The following CRISPLD2 variants were observed in gnomAD, a reference collection of about 807,000 sequenced individuals.
CRISPLD2 encodes the protein cysteine rich secretory protein LCCL domain containing 2.
In CRISPLD2, 47 loss-of-function variants were observed where a neutral mutation model predicts 71.1. The observed-to-expected ratio is 0.66, with a 90% CI of 0.52 to 0.84. The LOEUF (loss-of-function observed/expected upper bound fraction) is 0.84. CRISPLD2 is among the 40% of genes least tolerant of loss of function. CRISPLD2 has a pLI of 0.00. For synonymous variants in CRISPLD2, 317 were observed against 250.1 expected, an observed-to-expected ratio of 1.27 and a Z score of -2.52; for missense variants, 830 against 651.1, an observed-to-expected ratio of 1.27 and a Z score of -2.99.
Position 84,862,345 on chromosome 16 carries a change from G to A in CRISPLD2, c.710-4552G>A, listed in dbSNP as rs1251827391. On this transcript the variant is annotated intron_variant, in intron 6 of 14. Transcript: ENST00000262424. Reference sequence around the variant, plus strand: ...AGCCTCCCGAGTAGCTGGGACTATAGGCACATGCCACCATGGTTAATTTTA... The same window carrying A: ...AGCCTCCCGAGTAGCTGGGACTATAAGCACATGCCACCATGGTTAATTTTA... Among the ~76,000 whole-genome samples, 8 of 152,030 alleles carry A rather than the reference G, an allele frequency of 5.3e-5. No homozygotes were observed. The South Asian group carries it at 1.7e-3, about 32-fold the overall frequency.
At chr16:84,883,143 G>A (rs1434215506) in intron 13 of CRISPLD2, among the ~76,000 whole-genome samples, 1 of 152,210 alleles carries the variant, frequency 6.6e-6, no homozygotes, top group East Asian at 1.9e-4. Flanking sequence ...AAGAATGAAG[G>A]AGGGAAGAGG....
In CRISPLD2 at chr16:84,854,792, C is replaced by G; in HGVS notation, c.672C>G (p.Ser224Arg). 6.2e-7 allele frequency: 1 copy of G among 1,614,114 alleles called. No individual in the cohort carries two copies. The highest frequency in any genetic ancestry group is 8.5e-7 in the Non-Finnish European group (1 of 1,179,988). The part of the protein sequence containing the change: ...NGRPCSECPP[S>R]YGGSCRNNLC... The stretch of plus-strand genomic sequence containing the variant: ...GGCCCTGCTCTGAGTGCCCACCCAG[C>G]TATGGAGGCAGCTGCAGGAACAACT... Residue 224 changes from serine (S) to arginine (R), a missense_variant, in exon 6 of 15, where the codon AGC becomes AGG. Physicochemically the swap from Ser to Arg is moderately radical, Grantham distance 110 (BLOSUM62 -1). Transcript: ENST00000262424.
At position 84,907,830 on chromosome 16, in the gene CRISPLD2, C is replaced by T. The variant is rs1385011004; in HGVS notation, c.*1188C>T. On this transcript the variant is annotated 3_prime_UTR_variant, in exon 15 of 15. Coordinates refer to ENST00000262424, the MANE Select transcript of CRISPLD2 (RefSeq NM_031476.4). ...CTTTTCCTGTTTTCGTGAAACGACT[C>T]TTGCCAAACGTTCCCGAGGCGCCAA... 6.6e-6 allele frequency: 1 copy of T among 152,198 alleles called. No individual in the cohort carries two copies. Among genetic ancestry groups the T allele is most frequent in the Non-Finnish European group, 1.5e-5 (1 of 68,050 alleles). The allele number at this position is 152,198 out of a possible 1,614,324, so 9.4% of individuals were successfully genotyped here. A position where few individuals can be genotyped will look rare whatever the true frequency, so the allele number is the denominator to read the frequency against.
chr16:84,851,133 A>G (rs1917078323), intron 5 of CRISPLD2, among the ~76,000 whole-genome samples: 1 of 152,238 alleles, frequency 6.6e-6, no homozygotes. Context: ...CTGGCTGGGC[A>G]ACCAGCATGG....
intron 6 of CRISPLD2, among the ~76,000 whole-genome samples, chr16:84,863,936 A>G: frequency 6.7e-6 from 1 of 148,418 alleles, no homozygotes; most frequent in African/African-American, 2.5e-5. Context: ...CAGCCTGGGC[A>G]ACAAGAGCAA....
At chr16:84,905,372 G>C (rs1465608808) in intron 14 of CRISPLD2, among the ~76,000 whole-genome samples, 1 of 152,058 alleles carries the variant, frequency 6.6e-6, no homozygotes, top group Non-Finnish European at 1.5e-5. Flanking sequence ...AGTTTATACG[G>C]TATGTTAAAC....
intron 3 of CRISPLD2, among the ~76,000 whole-genome samples, chr16:84,848,604 C>T (rs1445495977): frequency 1.3e-5 from 2 of 152,164 alleles, no homozygotes; most frequent in African/African-American, 4.8e-5. Flanking sequence ...CCTCGCCCGG[C>T]TAATTTTTGT....
intron 12 of CRISPLD2, among the ~76,000 whole-genome samples, chr16:84,879,773 C>T (rs764862738): frequency 1.3e-5 from 2 of 152,172 alleles, no homozygotes; most frequent in African/African-American, 2.4e-5. Context: ...GCCTGGCCTT[C>T]TTCCTTCCCA....
chr16:84,875,218 G>A lies in CRISPLD2; in HGVS notation c.1156+1255G>A, dbSNP rs139641197. Among the ~76,000 whole-genome samples, 16 of 152,000 alleles carry A rather than the reference G, an allele frequency of 1.1e-4. No individual in the cohort carries two copies. The East Asian group carries it at 2.1e-3, about 20-fold the overall frequency. On this transcript the variant is annotated intron_variant, in intron 11 of 14. Coordinates refer to ENST00000262424, the MANE Select transcript of CRISPLD2 (RefSeq NM_031476.4). ...TTCATGCCACTACACTCCAGCCTGG[G>A]TGACAGAGCAAGACCCTGTCTCAAA...
At chr16:84,877,056 ACTCTGAGCT>A in intron 11 of CRISPLD2, among the ~76,000 whole-genome samples, 1 of 152,242 alleles carries the variant, frequency 6.6e-6, no homozygotes, top group East Asian at 1.9e-4. Flanking sequence ...TGGGAAGGGC[ACTCTGAGCT>A]CTCTGAGCTT....
At chr16:84,842,891 T>G (rs1567683443) in intron 2 of CRISPLD2, among the ~76,000 whole-genome samples, 2 of 152,066 alleles carry the variant, frequency 1.3e-5, no homozygotes, top group Non-Finnish European at 2.9e-5. Flanking sequence ...GACTGGAGCT[T>G]GACTGAGCTG....
In CRISPLD2 at chr16:84,845,783, C is replaced by T. The variant is rs1254988784; in HGVS notation, c.241-3C>T. 1 of 1,605,584 alleles carries T rather than the reference C, an allele frequency of 6.2e-7. No homozygotes were observed. The highest frequency in any genetic ancestry group is 1.1e-5 in the South Asian group (1 of 90,678). ...CTGGTGCCCGTTTCTCCTTCTCCTGCAGACCTGGGATGACGAACTGGAGAA... is the reference window on the plus strand; with the variant it reads ...CTGGTGCCCGTTTCTCCTTCTCCTGTAGACCTGGGATGACGAACTGGAGAA... On this transcript the variant is annotated splice_region_variant and splice_polypyrimidine_tract_variant and intron_variant, in intron 2 of 14. Transcript: ENST00000262424.
At chr16:84,856,777 C>T (rs1181380846) in intron 6 of CRISPLD2, among the ~76,000 whole-genome samples, 14 of 152,266 alleles carry the variant, frequency 9.2e-5, no homozygotes, top group Non-Finnish European at 1.0e-4. Flanking sequence ...CCAGCTGCTT[C>T]AGAATGTTGG....
At chr16:84,880,622 C>G (rs747162823) in intron 13 of CRISPLD2, 38 bp downstream of exon 13, 12 of 1,550,982 alleles carry the variant, frequency 7.7e-6, no homozygotes, top group Non-Finnish European at 9.8e-6. Flanking sequence ...TCTCGCAAAG[C>G]CTGTTAAAGA....
chr16:84,847,109 C>G (rs960168774), intron 3 of CRISPLD2, among the ~76,000 whole-genome samples: 3 of 152,184 alleles, frequency 2.0e-5, no homozygotes, highest in African/African-American at 7.2e-5. Flanking sequence ...TCCATTTTGC[C>G]CTAATTATTG....
At position 84,820,016 on chromosome 16, in the gene CRISPLD2, T is replaced by C. The variant is rs2172623; in HGVS notation, c.-192T>C. 120,740 of 152,404 alleles carry C rather than the reference T, an allele frequency of 0.79. 48,182 individuals are homozygous for C. The highest frequency in any genetic ancestry group is 0.96 in the East Asian group (4,995 of 5,182). 9.4% of individuals were successfully genotyped at this position (152,404 alleles called of 1,614,324 possible). On this transcript the variant is annotated 5_prime_UTR_variant, in exon 1 of 15. Coordinates refer to ENST00000262424, the MANE Select transcript of CRISPLD2 (RefSeq NM_031476.4). ...ATCCCAGGGCGTCTCCGGCTGCTCC[T>C]ATTGAGCTGTCTGCTCGCTGTGCCC...
intron 8 of CRISPLD2, 138 bp downstream of exon 8, chr16:84,869,049 G>C (rs1215986304): frequency 1.4e-6 from 1 of 721,540 alleles, no homozygotes; most frequent in Admixed American, 3.3e-5. Context: ...GGCAGAACAG[G>C]GGTTAGGGCT....
chr16:84,839,888 T>TGAGGTG (rs891713569), intron 2 of CRISPLD2: 5 of 152,132 alleles, frequency 3.3e-5, no homozygotes, highest in East Asian at 1.9e-4. Context: ...GCAGTGGGAC[T>TGAGGTG]GAGGTGGAGG....
At chr16:84,838,833 C>A in intron 2 of CRISPLD2, 98 bp downstream of exon 2, 1 of 1,441,764 alleles carries the variant, frequency 6.9e-7, no homozygotes, top group Non-Finnish European at 9.4e-7. Flanking sequence ...CCAGCCAGTG[C>A]GTGTGATGGC....
Sources: allele counts gnomAD v4.1 joint callset (sites outside exome capture counted in the v4.1 genomes callset), GRCh38; gene constraint gnomAD v4.1.1; transcripts MANE v1.5; gene names NCBI Gene and HGNC (gene_info 2026-07-23, HGNC 2026-07-21).